Variants in DTWD2 observed in about 807,000 individuals in gnomAD.
DTWD2 encodes tRNA-uridine aminocarboxypropyltransferase 2.
In DTWD2, 39 loss-of-function variants were observed where a neutral mutation model predicts 31.8. That is an observed-to-expected ratio of 1.22 (90% CI 0.95 to 1.60). The LOEUF is 1.60. Ranked by LOEUF, DTWD2 falls within the 40% of genes most tolerant of loss-of-function variation. The probability of loss-of-function intolerance (pLI) is 0.00; values close to 1 mark genes in which losing one functional copy is unlikely to be tolerated. For synonymous variants in DTWD2, 180 were observed against 142.8 expected (o/e 1.26, Z -1.86); for missense variants, 515 against 381.5 (o/e 1.35, Z -2.92).
chr5:118,919,338 GA>G (rs1753650525), intron 4 of DTWD2, among the ~76,000 whole-genome samples: 1 of 152,238 alleles, frequency 6.6e-6, no homozygotes, highest in South Asian at 2.1e-4. Flanking sequence ...CTTCTGTGGA[GA>G]GAAGAAAACG....
At chr5:118,894,234 A>C (rs1468545389) in intron 4 of DTWD2, among the ~76,000 whole-genome samples, 2 of 152,032 alleles carry the variant, frequency 1.3e-5, no homozygotes, top group African/African-American at 4.8e-5. Flanking sequence ...CTAAAATGTA[A>C]ATCTGATTAG....
At chr5:118,961,531 T>C (rs1754706225) in intron 1 of DTWD2, among the ~76,000 whole-genome samples, 1 of 152,184 alleles carries the variant, frequency 6.6e-6, no homozygotes, top group Non-Finnish European at 1.5e-5. Context: ...GAATAAATAA[T>C]GATTGGACAA....
rs116667042 is a variant in DTWD2, at chr5:118,926,430, C to T, written c.597+2107G>A. Among the ~76,000 whole-genome samples the T allele has an allele frequency of 7.9e-3, 1,204 of 152,150 alleles. 13 individuals are homozygous for T. The highest frequency in any genetic ancestry group is 0.024 in the African/African-American group (1,006 of 41,518). ...GGTGAGGAGTAAAACACTAAATATT[C>T]GGTACAGTGTACACTGCTCAGGTGA... is the stretch of plus-strand genomic sequence containing the variant. On this transcript the variant is annotated intron_variant, in intron 4 of 5. Transcript: ENST00000510708.
intron 4 of DTWD2, among the ~76,000 whole-genome samples, 181 bp from the exon 5 acceptor site, chr5:118,848,399 A>G (rs1751911711): frequency 6.6e-6 from 1 of 152,210 alleles, no homozygotes; most frequent in African/African-American, 2.4e-5. Flanking sequence ...GAAGATAGCT[A>G]TATAGAAGAA....
At chr5:118,947,979 G>A (rs1754377281) in intron 1 of DTWD2, among the ~76,000 whole-genome samples, 1 of 152,164 alleles carries the variant, frequency 6.6e-6, no homozygotes, top group Non-Finnish European at 1.5e-5. Flanking sequence ...AATAACAAAT[G>A]TTGCATAACA....
chr5:118,948,673 G>T (rs1164683727), intron 1 of DTWD2, among the ~76,000 whole-genome samples: 1 of 151,992 alleles, frequency 6.6e-6, no homozygotes, highest in Non-Finnish European at 1.5e-5. Context: ...TACAGGGCAC[G>T]GTCCCGGCTC....
intron 4 of DTWD2, among the ~76,000 whole-genome samples, chr5:118,881,111 A>G (rs764254771): frequency 7.2e-5 from 11 of 152,202 alleles, no homozygotes; most frequent in Non-Finnish European, 1.3e-4. Flanking sequence ...TATTCCTGCA[A>G]CAAAATACTT....
At chr5:118,931,590 G>A (rs566440088) in intron 3 of DTWD2, among the ~76,000 whole-genome samples, 65 of 152,064 alleles carry the variant, frequency 4.3e-4, no homozygotes, top group African/African-American at 1.5e-3. Context: ...AACATGTAAG[G>A]CAAAAACCAA....
At chr5:118,988,167 T>G (rs1194307697) in intron 1 of DTWD2, 127 bp downstream of exon 1, 1 of 1,184,704 alleles carries the variant, frequency 8.4e-7, no homozygotes, top group Non-Finnish European at 1.2e-6. Context: ...ATTTCCAACG[T>G]GCACCCGCCA....
At chr5:118,984,456 G>C (rs1343337856) in intron 1 of DTWD2, among the ~76,000 whole-genome samples, 1 of 140,856 alleles carries the variant, frequency 7.1e-6, no homozygotes, top group Non-Finnish European at 1.5e-5. Context: ...GCAAGACTCC[G>C]TTTCAAAAAA....
intron 4 of DTWD2, among the ~76,000 whole-genome samples, chr5:118,860,169 C>T (rs999502143): frequency 6.7e-6 from 1 of 149,314 alleles, no homozygotes; most frequent in Non-Finnish European, 1.5e-5. Flanking sequence ...AGTTATACTG[C>T]TATAACTCAT....
At chr5:118,918,554 C>T (rs1753632094) in intron 4 of DTWD2, among the ~76,000 whole-genome samples, 1 of 151,970 alleles carries the variant, frequency 6.6e-6, no homozygotes, top group African/African-American at 2.4e-5. Context: ...CAAAGTTAAA[C>T]TCCCAGAAGC....
rs1271599382 is a variant in DTWD2, at chr5:118,928,547, T to C, written c.587A>G (p.His196Arg). ...AAATTACTAGTTTACCTGTTTGGGA[T>C]GTCGGAACAAGGAGTTCTTATAGAA... ...DIFYKNSLFR[H>R]PKQVQLKTSI... The change falls in exon 4 of 6, where the codon CAT (histidine) becomes CGT (arginine). Residue 196 changes from histidine to arginine, a missense_variant. Physicochemically the swap from His to Arg is conservative, Grantham distance 29 (BLOSUM62 0). Coordinates refer to ENST00000510708, the MANE Select transcript of DTWD2 (RefSeq NM_173666.4). The C allele has an allele frequency of 2.0e-6, 3 of 1,506,704 alleles. No homozygotes were observed. The highest frequency in any genetic ancestry group is 2.4e-5 in the East Asian group (1 of 42,454). The allele number at this position is 1,506,704 out of a possible 1,614,324, so 93.3% of individuals were successfully genotyped here.
At chr5:118,879,981 C>T (rs1201507955) in intron 4 of DTWD2, among the ~76,000 whole-genome samples, 1 of 152,186 alleles carries the variant, frequency 6.6e-6, no homozygotes, top group African/African-American at 2.4e-5. Flanking sequence ...CTTTTAATCA[C>T]ACTATCTGCA....
rs533814735 is a variant in DTWD2, at chr5:118,933,493, T to C, written c.405-4764A>G. 3.3e-5 allele frequency among the ~76,000 whole-genome samples: 5 copies of C among 152,296 alleles called. No homozygotes were observed. In the South Asian group the frequency reaches 1.0e-3, roughly 32 times the overall value. Reference sequence around the variant, plus strand: ...TTTATTACAGGGATGGAAGGTTGGTTTAACATTCAAAATCAATAAATGTAA... The same window carrying C: ...TTTATTACAGGGATGGAAGGTTGGTCTAACATTCAAAATCAATAAATGTAA... On this transcript the variant is annotated intron_variant, in intron 3 of 5. Coordinates refer to ENST00000510708, the MANE Select transcript of DTWD2 (RefSeq NM_173666.4).
intron 4 of DTWD2, among the ~76,000 whole-genome samples, chr5:118,849,696 A>G (rs923065014): frequency 1.3e-5 from 2 of 152,254 alleles, no homozygotes; most frequent in African/African-American, 4.8e-5. Context: ...CTATGCAGCC[A>G]TAAAAAAGGA....
At chr5:118,936,836 C>T (rs1234347675) in intron 3 of DTWD2, among the ~76,000 whole-genome samples, 2 of 151,682 alleles carry the variant, frequency 1.3e-5, no homozygotes, top group Non-Finnish European at 2.9e-5. Flanking sequence ...TTAAAGAGAT[C>T]GACCAAAACA....
chr5:118,836,868 A>C lies in DTWD2; in HGVS notation c.*4049T>G, dbSNP rs1359553700. Among the ~76,000 whole-genome samples, 2 of 152,132 alleles carry C rather than the reference A, an allele frequency of 1.3e-5. No individual in the cohort carries two copies. Among genetic ancestry groups the C allele is most frequent in the Non-Finnish European group, 2.9e-5 (2 of 68,024 alleles). On this transcript the variant is annotated 3_prime_UTR_variant, in exon 6 of 6. Transcript: ENST00000510708. ...CCAGCCTCCAGACTTAGAAGAAATAAATTTCTGTTTTTTATAAGCTATCCA... is the reference window on the plus strand; with the variant it reads ...CCAGCCTCCAGACTTAGAAGAAATACATTTCTGTTTTTTATAAGCTATCCA...
chr5:118,966,208 T>C (rs1007171048), intron 1 of DTWD2, among the ~76,000 whole-genome samples: 1 of 152,198 alleles, frequency 6.6e-6, no homozygotes, highest in African/African-American at 2.4e-5. Flanking sequence ...AGATGTACAG[T>C]GGGATTTGGC....
Sources: gnomAD v4.1 joint callset for allele counts (sites outside exome capture counted in the v4.1 genomes callset) on GRCh38, gnomAD v4.1.1 for gene constraint, MANE v1.5 for transcripts, NCBI Gene and HGNC (gene_info 2026-07-23, HGNC 2026-07-21) for gene names.